TLCD4: variants seen among roughly 807,000 people sequenced by gnomAD.
The protein encoded by TLCD4 is TLC domain containing 4.
Under a neutral mutation model 24.2 loss-of-function variants are expected in TLCD4, and 7 were observed. That is an observed-to-expected ratio of 0.29 (90% confidence interval 0.16 to 0.54). TLCD4 has a LOEUF of 0.54. TLCD4 is among the 20% of genes least tolerant of loss of function. The probability of loss-of-function intolerance (pLI) is 0.95; values close to 1 mark genes in which losing one functional copy is unlikely to be tolerated. For synonymous variants in TLCD4, 103 were observed against 106.4 expected (o/e 0.97, Z 0.20); for missense variants, 259 against 313.9 (o/e 0.82, Z 1.32).
the TLCD4 span, among the ~76,000 whole-genome samples, chr1:95,096,679 T>C: frequency 1.3e-5 from 2 of 152,224 alleles, no homozygotes; most frequent in African/African-American, 4.8e-5. Flanking sequence ...CAGACGTGAT[T>C]TCAGCACTAC....
At chr1:95,185,315 A>T (rs961662429) in intron 6 of TLCD4, among the ~76,000 whole-genome samples, 18 of 152,178 alleles carry the variant, frequency 1.2e-4, no homozygotes, top group Non-Finnish European at 2.6e-4. Context: ...TATTGAATAA[A>T]TCCTAGAAGA....
chr1:95,167,682 G>GCTGGCTC (rs1268626839), intron 5 of TLCD4, among the ~76,000 whole-genome samples: 1 of 152,088 alleles, frequency 6.6e-6, no homozygotes, highest in African/African-American at 2.4e-5. Flanking sequence ...GTCTAGACTT[G>GCTGGCTC]CTGGCTCCTT....
At chr1:95,095,886 G>C in the TLCD4 span, among the ~76,000 whole-genome samples, 28 of 152,210 alleles carry the variant, frequency 1.8e-4, no homozygotes, top group South Asian at 4.6e-3. Flanking sequence ...TGCTTTAAGA[G>C]AAAAATTACA....
chr1:95,134,003 AAGCTGAG>A (rs1435418089), intron 1 of TLCD4, among the ~76,000 whole-genome samples: 1 of 151,824 alleles, frequency 6.6e-6, no homozygotes, highest in Non-Finnish European at 1.5e-5. Context: ...GGTTGGGAAA[AAGCTGAG>A]AGGTCAGTGG....
chr1:95,121,587 C>T (rs929559686), intron 1 of TLCD4, among the ~76,000 whole-genome samples: 3 of 152,254 alleles, frequency 2.0e-5, no homozygotes, highest in African/African-American at 4.8e-5. Context: ...TCTCCTGCCT[C>T]AGCCTCCCAG....
intron 1 of TLCD4, among the ~76,000 whole-genome samples, chr1:95,133,947 A>G (rs1235367197): frequency 6.6e-6 from 1 of 151,576 alleles, no homozygotes; most frequent in Non-Finnish European, 1.5e-5. Flanking sequence ...GGACTTTGGG[A>G]TGTAAGCTGA....
intron 6 of TLCD4, among the ~76,000 whole-genome samples, chr1:95,180,990 G>A (rs567242912): frequency 1.1e-3 from 165 of 152,190 alleles, no homozygotes; most frequent in African/African-American, 3.9e-3. Flanking sequence ...CCAACTACTC[G>A]GGATGCTGAG....
chr1:95,158,194 T>TC (rs1677684624), intron 5 of TLCD4, among the ~76,000 whole-genome samples: 1 of 149,964 alleles, frequency 6.7e-6, no homozygotes, highest in South Asian at 2.1e-4. Flanking sequence ...TTTTCTTTTT[T>TC]TTTTTTTTTT....
the TLCD4 span, among the ~76,000 whole-genome samples, chr1:95,105,908 A>AAAAAAAAAAAAG: frequency 4.7e-5 from 7 of 150,302 alleles, no homozygotes; most frequent in Non-Finnish European, 1.0e-4. Flanking sequence ...AAAAAAAAAA[A>AAAAAAAAAAAAG]AAAAGAAAAG....
chr1:95,186,672 G>A (rs937365702), intron 6 of TLCD4, among the ~76,000 whole-genome samples: 5 of 152,198 alleles, frequency 3.3e-5, no homozygotes, highest in African/African-American at 1.2e-4. Context: ...GAAGTCTTTG[G>A]AGAAGAGAAG....
At chr1:95,175,934 C>T (rs1175541598) in intron 6 of TLCD4, among the ~76,000 whole-genome samples, 1 of 148,442 alleles carries the variant, frequency 6.7e-6, no homozygotes, top group Non-Finnish European at 1.5e-5. Context: ...TGCCACCACA[C>T]CTGGCTAATT....
upstream of TLCD4, among the ~76,000 whole-genome samples, chr1:95,112,953 C>A (rs934068445): frequency 6.6e-6 from 1 of 152,060 alleles, no homozygotes; most frequent in African/African-American, 2.4e-5. Flanking sequence ...TGACCTCAAG[C>A]AATCCTCCTG....
intron 6 of TLCD4, among the ~76,000 whole-genome samples, chr1:95,187,654 G>A (rs568785710): frequency 2.6e-5 from 4 of 152,000 alleles, no homozygotes; most frequent in African/African-American, 9.7e-5. Flanking sequence ...CTGTTTGTCC[G>A]GTTTCTCCAT....
chr1:95,181,908 C>T (rs981895225), intron 6 of TLCD4, among the ~76,000 whole-genome samples: 5 of 152,102 alleles, frequency 3.3e-5, no homozygotes, highest in Admixed American at 6.6e-5. Context: ...TGTGAGCCAC[C>T]GCACCTGGCA....
chr1:95,128,001 G>A (rs1012369341), intron 1 of TLCD4, among the ~76,000 whole-genome samples: 2 of 152,194 alleles, frequency 1.3e-5, no homozygotes, highest in Non-Finnish European at 2.9e-5. Flanking sequence ...ATACTAGGGA[G>A]GCTGAGGCAA....
intron 1 of TLCD4, chr1:95,117,961 A>G (rs1676474962): frequency 6.6e-6 from 1 of 152,182 alleles, no homozygotes; most frequent in Non-Finnish European, 1.5e-5. Flanking sequence ...CTCGGGCTGC[A>G]CGATTCCGGC....
intron 1 of TLCD4, among the ~76,000 whole-genome samples, chr1:95,130,162 A>AT (rs35899204): frequency 0.071 from 10,681 of 151,264 alleles, 422 homozygotes; most frequent in Non-Finnish European, 0.089. Flanking sequence ...TATTTAATTT[A>AT]TTTTTTTTTG....
the TLCD4 span, among the ~76,000 whole-genome samples, chr1:95,102,356 T>C: frequency 1.3e-5 from 2 of 152,032 alleles, no homozygotes; most frequent in Non-Finnish European, 2.9e-5. Flanking sequence ...AGTAAGTAAA[T>C]GAAAAATACA....
intron 1 of TLCD4, among the ~76,000 whole-genome samples, chr1:95,123,082 T>C (rs1422919900): frequency 6.6e-6 from 1 of 152,202 alleles, no homozygotes; most frequent in Admixed American, 6.5e-5. Flanking sequence ...GTGCTGGGAT[T>C]ACAGGCCTGA....
Sources: gnomAD v4.1 joint callset for allele counts (sites outside exome capture counted in the v4.1 genomes callset) on GRCh38, gnomAD v4.1.1 for gene constraint, MANE v1.5 for transcripts, NCBI Gene and HGNC (gene_info 2026-07-23, HGNC 2026-07-21) for gene names.